The following SART1 variants were observed in gnomAD, a reference collection of about 807,000 sequenced individuals.
SART1 encodes the protein spliceosome associated factor 1, recruiter of U4/U6.U5 tri-snRNP.
SART1 carries 28 observed loss-of-function variants against 105.0 expected under a neutral mutation model. The ratio of observed to expected loss-of-function variants is 0.27; its 90% CI spans 0.20 to 0.37. The LOEUF is 0.37. Among genes scored for constraint, SART1 ranks in the 10% least tolerant of loss-of-function variants. The probability of loss-of-function intolerance (pLI) is 1.00; values close to 1 mark genes in which losing one functional copy is unlikely to be tolerated. For missense variants in SART1, 894 were observed against 1,106.5 expected (o/e 0.81, Z 2.72); for synonymous variants, 472 against 462.9 (o/e 1.02, Z -0.25).
chr11:65,979,083 C>T lies in SART1; in HGVS notation c.*53C>T. ...CAACCTTCATATTAAATAAAGCTCCCTCCTTATTTTTTCCTCCCTGGTCGT... is the reference window on the plus strand; with the variant it reads ...CAACCTTCATATTAAATAAAGCTCCTTCCTTATTTTTTCCTCCCTGGTCGT... On this transcript the variant is annotated 3_prime_UTR_variant, in exon 20 of 20. Coordinates refer to ENST00000312397, the MANE Select transcript of SART1 (RefSeq NM_005146.5). The T allele has an allele frequency of 1.9e-6, 3 of 1,611,060 alleles. No individual in the cohort carries two copies. Among genetic ancestry groups the T allele is most frequent in the Non-Finnish European group, 2.5e-6 (3 of 1,177,532 alleles).
intron 12 of SART1, among the ~76,000 whole-genome samples, chr11:65,969,043 A>C (rs994107539): frequency 6.6e-6 from 1 of 152,158 alleles, no homozygotes; most frequent in Non-Finnish European, 1.5e-5. Context: ...GAAGCTTCTG[A>C]TACTACTGGG....
intron 2 of SART1, 71 bp downstream of exon 2, chr11:65,964,202 G>A: frequency 7.7e-7 from 1 of 1,295,896 alleles, no homozygotes; most frequent in Non-Finnish European, 1.1e-6. Flanking sequence ...CACGGGGGAG[G>A]CTTTCTCACA....
intron 12 of SART1, among the ~76,000 whole-genome samples, chr11:65,968,774 G>GCCA (rs1855312330): frequency 6.6e-6 from 1 of 152,138 alleles, no homozygotes; most frequent in Admixed American, 6.5e-5. Flanking sequence ...GTGAGGGGTG[G>GCCA]CGTGAGCTGA....
Position 65,978,995 on chromosome 11 carries a change from CCT to C in SART1, c.2385-16_2385-15del. ...GTGCCCGCCTCTGCAGCCTCACGCC[CCT>C]GTTCTTCTCTGCAGGAACACCATCA... On this transcript the variant is annotated splice_polypyrimidine_tract_variant and intron_variant, in intron 19 of 19. Coordinates refer to ENST00000312397, the MANE Select transcript of SART1 (RefSeq NM_005146.5). This position sits in a 1 kb window ranked among gnomAD's most constrained non-coding sequence, Gnocchi z 6.8. The C allele has an allele frequency of 1.2e-6, 2 of 1,614,110 alleles. No individual in the cohort carries two copies. Among genetic ancestry groups the C allele is most frequent in the Non-Finnish European group, 1.7e-6 (2 of 1,180,014 alleles).
At position 65,976,853 on chromosome 11, in the gene SART1, C is replaced by T; in HGVS notation, c.1857+87C>T. On this transcript the variant is annotated intron_variant, in intron 14 of 19. Coordinates refer to ENST00000312397, the MANE Select transcript of SART1 (RefSeq NM_005146.5). This position sits in a 1 kb window ranked among gnomAD's most constrained non-coding sequence, Gnocchi z 5.1. ...GGCTCGGTGTCCAGAGCCTCAGCCT[C>T]CTCATCCAGAGTGGGCTCTGCAGAC... 2 of 1,252,626 alleles carry T rather than the reference C, an allele frequency of 1.6e-6. No individual in the cohort carries two copies. The highest frequency in any genetic ancestry group is 2.0e-5 in the Admixed American group (1 of 49,272). 77.6% of individuals were successfully genotyped at this position (1,252,626 alleles called of 1,614,324 possible). A position where few individuals can be genotyped will look rare whatever the true frequency, so the allele number is the denominator to read the frequency against.
At chr11:65,972,554 A>G (rs1215297154) in intron 12 of SART1, among the ~76,000 whole-genome samples, 1 of 152,168 alleles carries the variant, frequency 6.6e-6, no homozygotes, top group East Asian at 1.9e-4. Flanking sequence ...ATTTGAGACC[A>G]GCCTGGGGCA....
intron 12 of SART1, 130 bp downstream of exon 12, chr11:65,967,951 T>G (rs1480950814): frequency 7.2e-5 from 6 of 83,064 alleles, no homozygotes; most frequent in Non-Finnish European, 7.5e-5. Context: ...CTGGGTTTGT[T>G]TTTTTTTTTT....
rs1365282010 is a variant in SART1 at position 65,964,506 on chromosome 11, T to C, written c.372-9T>C. The C allele has an allele frequency of 1.2e-6, 2 of 1,612,794 alleles. No individual in the cohort carries two copies. The highest frequency in any genetic ancestry group is 8.5e-7 in the Non-Finnish European group (1 of 1,179,666). ...AATAGCCCCTAACACTTGTATCTCT[T>C]GTTGTCAGCAAACTCCGGGCAAAGT... is the stretch of plus-strand genomic sequence containing the variant. On this transcript the variant is annotated splice_polypyrimidine_tract_variant and intron_variant, in intron 2 of 19. Transcript: ENST00000312397.
At chr11:65,962,126 C>CCTGGGGGGGGGGGGGGGGG in intron 1 of SART1, 33 bp downstream of exon 1, 10 of 25,818 alleles carry the variant, frequency 3.9e-4, no homozygotes, top group Non-Finnish European at 5.7e-4. Context: ...GGGGGCGGGT[C>CCTGGGGGGGGGGGGGGGGG]GGGCGGGGGT....
intron 12 of SART1, among the ~76,000 whole-genome samples, chr11:65,973,079 CAGG>C (rs1309327271): frequency 6.6e-6 from 1 of 151,996 alleles, no homozygotes; most frequent in Non-Finnish European, 1.5e-5. Context: ...GAGGCTGAGG[CAGG>C]AGAATGGTGT....
At position 65,978,891 on chromosome 11, in the gene SART1, C is replaced by T. The variant is rs145544619; in HGVS notation, c.2361C>T (p.Ser787=). ...KAQKTPYIVL[S]GSGKSMNANT... Reference sequence around the variant, plus strand: ...AGAAGACCCCCTACATCGTGCTCAGCGGCAGCGGCAAGAGCATGAACGCGT... The same window carrying T: ...AGAAGACCCCCTACATCGTGCTCAGTGGCAGCGGCAAGAGCATGAACGCGT... Residue 787 remains serine, a synonymous_variant, in exon 19 of 20, where the codon AGC becomes AGT. Coordinates refer to ENST00000312397, the MANE Select transcript of SART1 (RefSeq NM_005146.5). This position sits in a 1 kb window ranked among gnomAD's most constrained non-coding sequence, Gnocchi z 6.8. 4.6e-5 allele frequency: 74 copies of T among 1,613,652 alleles called. No homozygotes were observed. The highest frequency in any genetic ancestry group is 6.7e-5 in the African/African-American group (5 of 74,850).
At chr11:65,966,272 G>T (rs757796506) in intron 8 of SART1, 54 bp downstream of exon 8, 2 of 1,613,752 alleles carry the variant, frequency 1.2e-6, no homozygotes, top group Non-Finnish European at 1.7e-6. Context: ...TGTCGGGAAT[G>T]GGGGCTCTGA....
rs145672074 is a variant in SART1, at chr11:65,977,088, G to A, written c.1932G>A (p.Leu644=). Residue 644 remains leucine, a synonymous_variant, in exon 15 of 20, where the codon CTG becomes CTA. Coordinates refer to ENST00000312397, the MANE Select transcript of SART1 (RefSeq NM_005146.5). ...VNRGLAAALL[L]CQNKGLLETT... ...GGGGGCTGGCAGCTGCCCTGCTCCT[G>A]TGTCAGAACAAAGGTAGGGAGCTCA... 1.6e-5 allele frequency: 26 copies of A among 1,613,422 alleles called. No individual in the cohort carries two copies. In the African/African-American group the frequency reaches 2.8e-4, roughly 17 times the overall value.
intron 1 of SART1, among the ~76,000 whole-genome samples, chr11:65,962,755 C>T (rs1298722000): frequency 1.3e-5 from 2 of 152,044 alleles, no homozygotes; most frequent in East Asian, 1.9e-4. Flanking sequence ...GGGCTATAGG[C>T]CAGGGGAGGG....
chr11:65,977,251 C>A, intron 15 of SART1, 150 bp downstream of exon 15: 1 of 642,904 alleles, frequency 1.6e-6, no homozygotes. Context: ...TTCCCCTCCA[C>A]TGTGGCATCT....
Position 65,967,483 on chromosome 11 carries a change from G to A in SART1, c.1326G>A (p.Arg442=). The A allele has an allele frequency of 6.2e-7, 1 of 1,613,274 alleles. No homozygotes were observed. The highest frequency in any genetic ancestry group is 8.5e-7 in the Non-Finnish European group (1 of 1,179,904). Residue 442 remains arginine, a synonymous_variant, in exon 11 of 20, where the codon CGG becomes CGA. Coordinates refer to ENST00000312397, the MANE Select transcript of SART1 (RefSeq NM_005146.5). ...DGDFGSRLRG[R]GRRRVSEVEE... Reference sequence around the variant, plus strand: ...CTCCTTCCCTCAGACTGCGGGGACGGGGTCGCCGCCGAGTGTCCGAAGTGG... The same window carrying A: ...CTCCTTCCCTCAGACTGCGGGGACGAGGTCGCCGCCGAGTGTCCGAAGTGG...
Position 65,965,706 on chromosome 11 carries a change from A to G in SART1, c.665A>G (p.Lys222Arg), listed in dbSNP as rs200375835. 26 of 1,613,758 alleles carry G rather than the reference A, an allele frequency of 1.6e-5. No homozygotes were observed. The highest frequency in any genetic ancestry group is 2.1e-5 in the Non-Finnish European group (25 of 1,179,904). ...TCACCCCTCCCTGTCCCGTAGGCCA[A>G]GTTACTGGAGGAGATGGACCAAGAG... ...KEKDLAEKRA[K>R]LLEEMDQEFG... The change falls in exon 6 of 20, where the codon AAG becomes AGG. Residue 222 changes from lysine (K) to arginine (R), a missense_variant. By Grantham distance (26) the Lys-to-Arg change is conservative. Coordinates refer to ENST00000312397, the MANE Select transcript of SART1 (RefSeq NM_005146.5).
At position 65,980,110 on chromosome 11, in the gene SART1, C is replaced by T. The variant is rs1343413522; in HGVS notation, c.*1080C>T. 6.6e-6 allele frequency among the ~76,000 whole-genome samples: 1 copy of T among 151,142 alleles called. No homozygotes were observed. The highest frequency in any genetic ancestry group is 2.4e-5 in the African/African-American group (1 of 41,098). On this transcript the variant is annotated 3_prime_UTR_variant, in exon 20 of 20. Transcript: ENST00000312397. ...CCTAGGTGACAGTCAGACCCTGTCT[C>T]AAAAAAAATAAAAAAAATTTAAAAT...
intron 12 of SART1, among the ~76,000 whole-genome samples, chr11:65,973,415 C>G (rs1177367953): frequency 6.6e-6 from 1 of 152,108 alleles, no homozygotes; most frequent in Non-Finnish European, 1.5e-5. Context: ...CAGGAAAATA[C>G]CCGGTGAATC....
Sources: allele counts gnomAD v4.1 joint callset (sites outside exome capture counted in the v4.1 genomes callset), GRCh38; gene constraint gnomAD v4.1.1; non-coding constraint Gnocchi (gnomAD v3.1); transcripts MANE v1.5; gene names NCBI Gene and HGNC (gene_info 2026-07-23, HGNC 2026-07-21).